The following CORO7 variants were observed in gnomAD, a reference collection of about 807,000 sequenced individuals.
The protein encoded by CORO7 is coronin-7.
A neutral mutation model predicts 126.6 loss-of-function variants in CORO7; 107 were observed. That is an observed-to-expected ratio of 0.85 (90% CI 0.72 to 0.99). The LOEUF is 0.99. Ranked by LOEUF, CORO7 falls within the 50% of genes least tolerant of loss-of-function variation. CORO7 has a pLI of 0.00. For missense variants in CORO7, 1,314 were observed against 1,255.8 expected, an observed-to-expected ratio of 1.05 and a Z score of -0.70; for synonymous variants, 603 against 536.8, an observed-to-expected ratio of 1.12 and a Z score of -1.70.
chr16:4,369,404 G>A (rs1270120457), intron 9 of CORO7, among the ~76,000 whole-genome samples: 9 of 152,322 alleles, frequency 5.9e-5, no homozygotes. Context: ...AGGTATTGCC[G>A]GCACCTCTCC....
intron 26 of CORO7, 106 bp downstream of exon 26, chr16:4,357,062 T>C: frequency 7.1e-7 from 1 of 1,414,962 alleles, no homozygotes; most frequent in South Asian, 1.2e-5. Flanking sequence ...GGACGTGACA[T>C]GTGGCTGCTG....
At chr16:4,389,894 G>A (rs2055327150) in intron 7 of CORO7, among the ~76,000 whole-genome samples, 1 of 152,166 alleles carries the variant, frequency 6.6e-6, no homozygotes, top group Non-Finnish European at 1.5e-5. Context: ...AAACACACAA[G>A]GCCTCCCAGG....
At chr16:4,415,992 C>G (rs938609947) in intron 1 of CORO7, 33 of 604,200 alleles carry the variant, frequency 5.5e-5, no homozygotes, top group Non-Finnish European at 6.7e-5. Context: ...ACCACTGACA[C>G]ACTTGGGCTC....
intron 23 of CORO7, 156 bp downstream of exon 23, chr16:4,359,140 A>T: frequency 2.6e-6 from 2 of 767,832 alleles, no homozygotes; most frequent in South Asian, 3.9e-5. Flanking sequence ...TTCCAGCAGC[A>T]ACTCTTCTTG....
chr16:4,366,182 G>A (rs2054340637), intron 9 of CORO7, among the ~76,000 whole-genome samples: 1 of 152,134 alleles, frequency 6.6e-6, no homozygotes, highest in South Asian at 2.1e-4. Flanking sequence ...GGGCTTCCCT[G>A]CACACCCCAG....
At chr16:4,367,896 T>G (rs1032180296) in intron 9 of CORO7, among the ~76,000 whole-genome samples, 1 of 151,990 alleles carries the variant, frequency 6.6e-6, no homozygotes, top group Non-Finnish European at 1.5e-5. Flanking sequence ...ACGGTGCGTT[T>G]CAAGCAAAAG....
chr16:4,382,823 C>CT (rs1204237363), intron 9 of CORO7: 1 of 1,598,448 alleles, frequency 6.3e-7, no homozygotes, highest in Non-Finnish European at 8.5e-7. Context: ...CCCAGCGGGT[C>CT]TGAGTGTGAG....
At position 4,358,888 on chromosome 16, in the gene CORO7, T is replaced by C. The variant is rs769369826; in HGVS notation, c.2341-405A>G. Reference sequence around the variant, plus strand: ...GAGTGTTTATTACTTTGGTTTTTAATATTATTTTTAGGTTCATATTGTAGG... The same window carrying C: ...GAGTGTTTATTACTTTGGTTTTTAACATTATTTTTAGGTTCATATTGTAGG... On this transcript the variant is annotated intron_variant, in intron 23 of 27. Transcript: ENST00000251166. The C allele has an allele frequency of 1.3e-3, 341 of 266,934 alleles. 3 individuals carry two copies. The highest frequency in any genetic ancestry group is 7.6e-4 in the Non-Finnish European group (107 of 141,664). 16.5% of individuals were successfully genotyped at this position (266,934 alleles called of 1,614,324 possible).
chr16:4,357,493 G>T (rs1412963735), intron 25 of CORO7: 2 of 467,214 alleles, frequency 4.3e-6, no homozygotes, highest in Non-Finnish European at 7.4e-6. Context: ...TGGAGTAGTT[G>T]GGATTGCAGG....
chr16:4,416,120 G>A (rs531461013), intron 1 of CORO7, among the ~76,000 whole-genome samples: 8 of 152,118 alleles, frequency 5.3e-5, no homozygotes, highest in Non-Finnish European at 7.4e-5. Context: ...GGCTCCCGGC[G>A]AGGCCGACCG....
chr16:4,411,343 T>C (rs960195733), intron 3 of CORO7, among the ~76,000 whole-genome samples: 2 of 152,060 alleles, frequency 1.3e-5, no homozygotes, highest in African/African-American at 4.8e-5. Context: ...CAGTGAGCCA[T>C]GATTATGCCA....
chr16:4,361,291 C>A (rs777749611), intron 17 of CORO7, 43 bp from the exon 18 acceptor site: 2 of 1,610,840 alleles, frequency 1.2e-6, no homozygotes, highest in East Asian at 4.5e-5. Context: ...GAGCCCAAGA[C>A]CTCTGGGCTC....
intron 9 of CORO7, among the ~76,000 whole-genome samples, chr16:4,376,304 A>G (rs1389787967): frequency 1.3e-5 from 2 of 152,220 alleles, no homozygotes; most frequent in Non-Finnish European, 2.9e-5. Context: ...CCGCCGGCAC[A>G]GTCCCGCCTG....
In CORO7 at chr16:4,365,546, C is replaced by A. The variant is rs1213216054; in HGVS notation, c.786-1G>T. 8 of 1,579,398 alleles carry A rather than the reference C, an allele frequency of 5.1e-6. No homozygotes were observed. In the South Asian group the frequency reaches 9.3e-5, roughly 18 times the overall value. Reference sequence around the variant, plus strand: ...AGGGTCCAGCAGAGGCACGAGACACCTGGGGAAGAGAGGGCAAGATGGCGG... The same window carrying A: ...AGGGTCCAGCAGAGGCACGAGACACATGGGGAAGAGAGGGCAAGATGGCGG... On this transcript the variant is annotated splice_acceptor_variant, in intron 9 of 27. Transcript: ENST00000251166. LOFTEE classifies it high-confidence loss of function.
At chr16:4,370,048 A>G (rs1489264343) in intron 9 of CORO7, among the ~76,000 whole-genome samples, 2 of 152,212 alleles carry the variant, frequency 1.3e-5, no homozygotes, top group South Asian at 4.1e-4. Flanking sequence ...AACACCAGGC[A>G]GATGGGGTCT....
At position 4,364,798 on chromosome 16, in the gene CORO7, T is replaced by A; in HGVS notation, c.1021A>T (p.Ile341Phe). 6.2e-7 allele frequency: 1 copy of A among 1,611,646 alleles called. No homozygotes were observed. Among genetic ancestry groups the A allele is most frequent in the Non-Finnish European group, 8.5e-7 (1 of 1,179,574 alleles). Residue 341 changes from isoleucine to phenylalanine, a missense_variant, in exon 12 of 28, where the codon ATC becomes TTC. Coordinates refer to ENST00000251166, the MANE Select transcript of CORO7 (RefSeq NM_024535.5). Reference sequence around the variant, plus strand: ...ACCTTGCGGGGCACATGGTAGCCGATGGGCACGATGGCTGTGTCGCTCAGC... The same window carrying A: ...ACCTTGCGGGGCACATGGTAGCCGAAGGGCACGATGGCTGTGTCGCTCAGC... Reference protein sequence around the residue: ...LQLSDTAIVPIGYHVPRKAVE... With the variant: ...LQLSDTAIVPFGYHVPRKAVE...
rs760507438 is a variant in CORO7, at chr16:4,364,261, G to A, written c.1275+15C>T. 1.2e-5 allele frequency: 18 copies of A among 1,526,632 alleles called. No individual in the cohort carries two copies. Among genetic ancestry groups the A allele is most frequent in the East Asian group, 7.0e-5 (3 of 42,806 alleles). The allele number at this position is 1,526,632 out of a possible 1,614,324, so 94.6% of individuals were successfully genotyped here. On this transcript the variant is annotated intron_variant, in intron 14 of 27. Transcript: ENST00000251166. ...AGTGTCGCTGAGGGAGGATGGGGGC[G>A]GCCCTGGTACTTACGCTTGCGTCTG...
intron 9 of CORO7, among the ~76,000 whole-genome samples, chr16:4,375,768 G>A (rs752732492): frequency 5.3e-5 from 8 of 152,332 alleles, no homozygotes; most frequent in Non-Finnish European, 1.0e-4. Flanking sequence ...GATTACAGGC[G>A]TGAGCCACCA....
chr16:4,354,967 G>C lies in CORO7; in HGVS notation c.*191C>G. On this transcript the variant is annotated 3_prime_UTR_variant, in exon 28 of 28. Transcript: ENST00000251166. Reference sequence around the variant, plus strand: ...CTGATGAGCAGCAGCTGACCCCAGAGACAGCAGAGGTGAAAACAGTCCCTG... The same window carrying C: ...CTGATGAGCAGCAGCTGACCCCAGACACAGCAGAGGTGAAAACAGTCCCTG... 1 of 547,104 alleles carries C rather than the reference G, an allele frequency of 1.8e-6. No individual in the cohort carries two copies. The highest frequency in any genetic ancestry group is 4.6e-5 in the South Asian group (1 of 21,970). 33.9% of individuals were successfully genotyped at this position (547,104 alleles called of 1,614,324 possible).
Sources: allele counts gnomAD v4.1 joint callset (sites outside exome capture counted in the v4.1 genomes callset), GRCh38; gene constraint gnomAD v4.1.1; transcripts MANE v1.5; gene names NCBI Gene and HGNC (gene_info 2026-07-23, HGNC 2026-07-21).